Variants in MYH14 observed in about 807,000 individuals in gnomAD.
MYH14 encodes the protein myosin-14.
In MYH14, 123 loss-of-function variants were observed where a neutral mutation model predicts 255.5. The ratio of observed to expected loss-of-function variants is 0.48; its 90% CI spans 0.42 to 0.56. The LOEUF (loss-of-function observed/expected upper bound fraction) is 0.56, where lower values mean the gene tolerates loss of function less well. Among genes scored for constraint, MYH14 ranks in the 20% least tolerant of loss-of-function variants. The pLI, the probability that MYH14 is intolerant of heterozygous loss-of-function variation, is 0.00. For missense variants in MYH14, 2,423 were observed against 2,802.3 expected (o/e 0.86, Z 3.06); for synonymous variants, 1,095 against 1,161.2 (o/e 0.94, Z 1.16).
intron 1 of MYH14, among the ~76,000 whole-genome samples, chr19:50,207,555 GTCC>G (rs1484449397): frequency 6.6e-6 from 1 of 152,052 alleles, no homozygotes; most frequent in Admixed American, 6.6e-5. Flanking sequence ...TCTTCTCTGG[GTCC>G]TCAGGCCCAC....
intron 42 of MYH14, 55 bp from the exon 43 acceptor site, chr19:50,309,585 C>T (rs1305127152): frequency 1.0e-6 from 1 of 967,378 alleles, no homozygotes; most frequent in Non-Finnish European, 1.5e-6. Context: ...CCCCCTTTCT[C>T]CTCCCCTCCC....
rs1210935131 is a variant in MYH14 at position 50,309,990 on chromosome 19, G to A, written c.*200G>A. The A allele has an allele frequency of 3.0e-6, 2 of 675,766 alleles. No homozygotes were observed. Among genetic ancestry groups the A allele is most frequent in the East Asian group, 2.7e-5 (1 of 36,614 alleles). The allele number at this position is 675,766 out of a possible 1,614,324, so 41.9% of individuals were successfully genotyped here. A position where few individuals can be genotyped will look rare whatever the true frequency, so the allele number is the denominator to read the frequency against. ...TGACCCCTAAACACAGAGGAGCGGGGCAGGCAGGGAGGCAATGACTGGAGC... is the reference window on the plus strand; with the variant it reads ...TGACCCCTAAACACAGAGGAGCGGGACAGGCAGGGAGGCAATGACTGGAGC... On this transcript the variant is annotated 3_prime_UTR_variant, in exon 43 of 43. Coordinates refer to ENST00000642316, the MANE Select transcript of MYH14 (RefSeq NM_001145809.2).
In MYH14 at chr19:50,267,019, G is replaced by C. The variant is rs766128545; in HGVS notation, c.2826+11G>C. ...GGCCGAGTGGCACAGGTGAGGGGGC[G>C]GGGGCAGGGCGTGGGGGCGTGTCTT... On this transcript the variant is annotated intron_variant, in intron 23 of 42. Coordinates refer to ENST00000642316, the MANE Select transcript of MYH14 (RefSeq NM_001145809.2). The C allele has an allele frequency of 6.5e-7, 1 of 1,549,076 alleles. No individual in the cohort carries two copies. Among genetic ancestry groups the C allele is most frequent in the East Asian group, 2.4e-5 (1 of 42,138 alleles).
intron 42 of MYH14, 99 bp from the exon 43 acceptor site, chr19:50,309,539 ATC>A (rs2036776267): frequency 1.9e-3 from 1,148 of 590,880 alleles, no homozygotes; most frequent in South Asian, 2.6e-3. Context: ...CTCTCTTCCT[ATC>A]TCTCTCTCTC....
In MYH14 at chr19:50,210,621, G is replaced by C; in HGVS notation, c.256G>C (p.Gly86Arg). The change falls in exon 2 of 43, where the codon GGG (glycine) becomes CGG (arginine). Residue 86 changes from glycine (G) to arginine (R), a missense_variant. Gly to Arg is a moderately radical substitution (Grantham distance 125). This residue lies in a region of MYH14 where 238 missense variants were observed against 245.8 expected (regional missense o/e 0.97). Transcript: ENST00000642316. ...GGCGGAGGTGGAGCTGGCGGAGAGCGGGAGGCGGCTGCGACTGCCGCGGGA... is the reference window on the plus strand; with the variant it reads ...GGCGGAGGTGGAGCTGGCGGAGAGCCGGAGGCGGCTGCGACTGCCGCGGGA... Reference protein sequence around the residue: ...EEAEVELAESGRRLRLPRDQI... With the variant: ...EEAEVELAESRRRLRLPRDQI... The C allele has an allele frequency of 6.4e-7, 1 of 1,570,026 alleles. No individual in the cohort carries two copies. The highest frequency in any genetic ancestry group is 8.6e-7 in the Non-Finnish European group (1 of 1,158,838).
chr19:50,261,585 C>A lies in MYH14; in HGVS notation c.2535C>A (p.Thr845=). ...QLEEERDLKV[T]DIIVSFQAAA... ...AAGAGGAGCGAGACCTGAAGGTCACCGACATCATCGTCTCCTTCCAGGCAG... is the reference window on the plus strand; with the variant it reads ...AAGAGGAGCGAGACCTGAAGGTCACAGACATCATCGTCTCCTTCCAGGCAG... Residue 845 remains threonine (T), a synonymous_variant, in exon 21 of 43, where the codon ACC becomes ACA. Transcript: ENST00000642316. 6.2e-7 allele frequency: 1 copy of A among 1,603,156 alleles called. No individual in the cohort carries two copies. Among genetic ancestry groups the A allele is most frequent in the Non-Finnish European group, 8.5e-7 (1 of 1,176,274 alleles).
In MYH14 at chr19:50,291,510, G is replaced by A. The variant is rs538552127; in HGVS notation, c.5127+462G>A. 2.8e-4 allele frequency among the ~76,000 whole-genome samples: 42 copies of A among 152,158 alleles called. 1 individual carries two copies. In the East Asian group the frequency reaches 6.4e-3, roughly 23 times the overall value. On this transcript the variant is annotated intron_variant, in intron 36 of 42. Transcript: ENST00000642316. The stretch of plus-strand genomic sequence containing the variant: ...TTGCCATGTTGGCCAGGCTGGTCTC[G>A]ATCTCTTGGCCTCAAGTGATCCACC...
In MYH14 at chr19:50,245,768, T is replaced by C. The variant is rs548752677; in HGVS notation, c.1211-1236T>C. On this transcript the variant is annotated intron_variant, in intron 11 of 42. Coordinates refer to ENST00000642316, the MANE Select transcript of MYH14 (RefSeq NM_001145809.2). The stretch of plus-strand genomic sequence containing the variant: ...CATTACCTGAGGCACCTGGGGGCTC[T>C]GTACATAGGCACCCAGCAGGTGTGC... Among the ~76,000 whole-genome samples, 3 of 152,348 alleles carry C rather than the reference T, an allele frequency of 2.0e-5. No individual in the cohort carries two copies. In the South Asian group the frequency reaches 6.2e-4, roughly 32 times the overall value.
At chr19:50,287,350 A>G (rs2035925752) in intron 34 of MYH14, among the ~76,000 whole-genome samples, 1 of 152,262 alleles carries the variant, frequency 6.6e-6, no homozygotes, top group Non-Finnish European at 1.5e-5. Flanking sequence ...CAAAGCACAC[A>G]TGCTCACATT....
At chr19:50,271,811 C>T (rs372652122) in intron 25 of MYH14, 38 bp from the exon 26 acceptor site, 933 of 1,611,022 alleles carry the variant, frequency 5.8e-4, no homozygotes, top group Non-Finnish European at 5.1e-4. Flanking sequence ...CCTGGCCCAA[C>T]TCCTCCTGAC....
At chr19:50,210,850 G>C in intron 2 of MYH14, 80 bp downstream of exon 2, 1 of 1,514,640 alleles carries the variant, frequency 6.6e-7, no homozygotes, top group South Asian at 1.3e-5. Context: ...CGGCTCCCCT[G>C]CATTAACTTG....
chr19:50,271,805 G>A, intron 25 of MYH14, 44 bp from the exon 26 acceptor site: 1 of 1,610,012 alleles, frequency 6.2e-7, no homozygotes, highest in South Asian at 1.1e-5. Context: ...GCTGCTCCTG[G>A]CCCAACTCCT....
chr19:50,207,708 A>G (rs1298746158), intron 1 of MYH14, among the ~76,000 whole-genome samples: 1 of 152,254 alleles, frequency 6.6e-6, no homozygotes, highest in African/African-American at 2.4e-5. Context: ...TCTATTCTGC[A>G]GGCATGAGAT....
At chr19:50,209,798 A>G (rs1418030709) in intron 1 of MYH14, among the ~76,000 whole-genome samples, 1 of 146,690 alleles carries the variant, frequency 6.8e-6, no homozygotes, top group Non-Finnish European at 1.5e-5. Context: ...AAAAAAAAAA[A>G]AGAAAATAAT....
intron 10 of MYH14, among the ~76,000 whole-genome samples, chr19:50,234,771 A>C (rs1360450249): frequency 6.6e-6 from 1 of 152,142 alleles, no homozygotes; most frequent in Non-Finnish European, 1.5e-5. Context: ...GCTGTGTGGC[A>C]GGCGCAGGCA....
chr19:50,261,517 C>A lies in MYH14; in HGVS notation c.2467C>A (p.Gln823Lys). 6.3e-7 allele frequency: 1 copy of A among 1,580,158 alleles called. No individual in the cohort carries two copies. The highest frequency in any genetic ancestry group is 8.6e-7 in the Non-Finnish European group (1 of 1,168,252). The change falls in exon 21 of 43, where the codon CAG becomes AAG. Residue 823 changes from glutamine (Q) to lysine (K), a missense_variant. Coordinates refer to ENST00000642316, the MANE Select transcript of MYH14 (RefSeq NM_001145809.2). ...ELDPNLYRVG[Q>K]SKIFFRAGVL... ...GGACCCCAACCTCTACCGCGTGGGACAGAGCAAGATCTTCTTCCGGGCTGG... is the reference window on the plus strand; with the variant it reads ...GGACCCCAACCTCTACCGCGTGGGAAAGAGCAAGATCTTCTTCCGGGCTGG...
At chr19:50,227,091 A>T in intron 8 of MYH14, 125 bp downstream of exon 8, 2 of 467,816 alleles carry the variant, frequency 4.3e-6, no homozygotes, top group Non-Finnish European at 8.7e-6. Flanking sequence ...CCTGATGCTC[A>T]GGCGGCATCT....
intron 9 of MYH14, among the ~76,000 whole-genome samples, chr19:50,231,433 C>T (rs906061003): frequency 2.0e-5 from 3 of 152,204 alleles, no homozygotes; most frequent in African/African-American, 4.8e-5. Flanking sequence ...GTATACACTG[C>T]GTGGGGACTC....
chr19:50,268,613 G>A (rs559016706), intron 24 of MYH14, among the ~76,000 whole-genome samples: 1 of 152,242 alleles, frequency 6.6e-6, no homozygotes, highest in African/African-American at 2.4e-5. Context: ...CTGGATCCAG[G>A]TGTCTGAGTG....
Sources: allele counts gnomAD v4.1 joint callset (sites outside exome capture counted in the v4.1 genomes callset), GRCh38; gene constraint gnomAD v4.1.1; regional missense constraint gnomAD v4.1.1; transcripts MANE v1.5; gene names NCBI Gene and HGNC (gene_info 2026-07-23, HGNC 2026-07-21).